The following EML6 variants were observed in gnomAD, a reference collection of about 807,000 sequenced individuals.
The protein encoded by EML6 is EMAP like 6.
Under a neutral mutation model 240.1 loss-of-function variants are expected in EML6, and 154 were observed. The ratio of observed to expected loss-of-function variants is 0.64; its 90% CI spans 0.56 to 0.73. EML6 has a LOEUF of 0.73. Among genes scored for constraint, EML6 ranks in the 30% least tolerant of loss-of-function variants. The pLI, the probability that EML6 is intolerant of heterozygous loss-of-function variation, is 0.00. For synonymous variants in EML6, 1,148 were observed against 899.0 expected, an observed-to-expected ratio of 1.28 and a Z score of -4.95; for missense variants, 2,964 against 2,474.6, an observed-to-expected ratio of 1.20 and a Z score of -4.20.
chr2:54,854,625 C>T (rs12713281), intron 11 of EML6, among the ~76,000 whole-genome samples: 2 of 152,040 alleles, frequency 1.3e-5, no homozygotes, highest in Admixed American at 6.5e-5. Context: ...AATTTTTAGA[C>T]TAAGCAAGGA....
chr2:54,922,933 C>CTTTTT (rs36078208), intron 26 of EML6, among the ~76,000 whole-genome samples: 7 of 73,846 alleles, frequency 9.5e-5, no homozygotes, highest in African/African-American at 2.4e-4. Flanking sequence ...AGGGTATAAA[C>CTTTTT]TTTTTTTTTT....
intron 5 of EML6, among the ~76,000 whole-genome samples, chr2:54,826,947 C>A (rs1668627314): frequency 6.6e-6 from 1 of 152,088 alleles, no homozygotes; most frequent in Admixed American, 6.5e-5. Flanking sequence ...CCGAGGAGGG[C>A]AGATTACTTG....
intron 5 of EML6, among the ~76,000 whole-genome samples, chr2:54,821,964 A>T (rs186133825): frequency 2.6e-3 from 399 of 152,270 alleles, no homozygotes; most frequent in Non-Finnish European, 4.5e-3. Context: ...CAACTGTAGA[A>T]ATATTAAAAT....
At chr2:54,946,729 A>G (rs1675711215) in intron 28 of EML6, among the ~76,000 whole-genome samples, 1 of 152,200 alleles carries the variant, frequency 6.6e-6, no homozygotes, top group Non-Finnish European at 1.5e-5. Context: ...AACATCCAGT[A>G]CTAAGTGTTC....
rs1453125568 is a variant in EML6, at chr2:54,853,454, T to C, written c.1445-189T>C. Among the ~76,000 whole-genome samples, 7 of 150,814 alleles carry C rather than the reference T, an allele frequency of 4.6e-5. No homozygotes were observed. In the East Asian group the frequency reaches 1.2e-3, roughly 25 times the overall value. ...GAATATTTCATCATTTTCTTTTTAA[T>C]GTCTGAGTTTTGAGTGTGGGCTTTC... is the stretch of plus-strand genomic sequence containing the variant. On this transcript the variant is annotated intron_variant, in intron 10 of 41. Coordinates refer to ENST00000356458, the MANE Select transcript of EML6 (RefSeq NM_001039753.4).
At chr2:54,965,353 G>A (rs182842708) in intron 38 of EML6, among the ~76,000 whole-genome samples, 17 of 152,266 alleles carry the variant, frequency 1.1e-4, no homozygotes, top group African/African-American at 2.9e-4. Flanking sequence ...TTGCTGAACC[G>A]GGCACTATGC....
intron 2 of EML6, among the ~76,000 whole-genome samples, chr2:54,779,713 T>A (rs1668762566): frequency 6.6e-6 from 1 of 151,216 alleles, no homozygotes; most frequent in Non-Finnish European, 1.5e-5. Flanking sequence ...AATACAAAAA[T>A]TAGCGGGGTA....
intron 11 of EML6, 41 bp from the exon 12 acceptor site, chr2:54,859,493 T>A: frequency 4.6e-6 from 7 of 1,508,904 alleles, no homozygotes; most frequent in Non-Finnish European, 6.3e-6. Flanking sequence ...AATGAACTCT[T>A]CTTTTTTCAT....
intron 4 of EML6, among the ~76,000 whole-genome samples, chr2:54,818,619 A>C (rs898189210): frequency 3.3e-5 from 5 of 152,244 alleles, no homozygotes; most frequent in Non-Finnish European, 5.9e-5. Flanking sequence ...CAACTCTGTT[A>C]AAACTTTAGA....
rs1488480873 is a variant in EML6, at chr2:54,841,874, TG to T, written c.848-2172del. On this transcript the variant is annotated intron_variant, in intron 7 of 41. Transcript: ENST00000356458. Reference sequence around the variant, plus strand: ...TCCCAAAGTGTTGGGATTACAGGCATGAGCCACCGTGCCTTGCCATTTTTTT... The same window carrying T: ...TCCCAAAGTGTTGGGATTACAGGCATAGCCACCGTGCCTTGCCATTTTTTT... 7.9e-5 allele frequency among the ~76,000 whole-genome samples: 12 copies of T among 152,268 alleles called. 1 individual carries two copies. In the East Asian group the frequency reaches 2.3e-3, roughly 29 times the overall value.
intron 26 of EML6, among the ~76,000 whole-genome samples, chr2:54,922,453 C>G (rs923741871): frequency 6.6e-6 from 1 of 152,086 alleles, no homozygotes; most frequent in African/African-American, 2.4e-5. Flanking sequence ...CAACAGTGTA[C>G]AAATTGGTGC....
intron 4 of EML6, among the ~76,000 whole-genome samples, chr2:54,819,927 G>C (rs1371304491): frequency 1.3e-5 from 2 of 152,076 alleles, no homozygotes; most frequent in Non-Finnish European, 2.9e-5. Context: ...TTACGTTTAG[G>C]AATATTAACT....
chr2:54,792,594 T>C (rs1669513753), intron 2 of EML6, among the ~76,000 whole-genome samples: 1 of 152,232 alleles, frequency 6.6e-6, no homozygotes, highest in Non-Finnish European at 1.5e-5. Flanking sequence ...TGCATTACTG[T>C]GGTGGTTACA....
At chr2:54,849,940 G>GT in intron 9 of EML6, 22 bp from the exon 10 acceptor site, 2 of 1,537,550 alleles carry the variant, frequency 1.3e-6, no homozygotes. Flanking sequence ...GCTGCTTATC[G>GT]TTTTGCTTTT....
intron 6 of EML6, among the ~76,000 whole-genome samples, chr2:54,828,804 T>C (rs1178852946): frequency 6.6e-6 from 1 of 152,254 alleles, no homozygotes; most frequent in Non-Finnish European, 1.5e-5. Flanking sequence ...CTAAAACTAT[T>C]TCCCATGTGA....
chr2:54,808,458 A>C (rs1670613406), intron 2 of EML6, among the ~76,000 whole-genome samples: 1 of 151,990 alleles, frequency 6.6e-6, no homozygotes, highest in Admixed American at 6.6e-5. Context: ...GCTGCTCTCA[A>C]GGTTATCTTC....
At chr2:54,865,370 A>T (rs190190816) in intron 13 of EML6, among the ~76,000 whole-genome samples, 10 of 151,460 alleles carry the variant, frequency 6.6e-5, no homozygotes, top group South Asian at 6.3e-4. Flanking sequence ...CCAGCTACTC[A>T]GGAAGCTGAG....
chr2:54,879,979 C>G (rs1671730202), intron 17 of EML6: 1 of 195,188 alleles, frequency 5.1e-6, no homozygotes, highest in African/African-American at 2.3e-5. Flanking sequence ...TTTCTTCTGT[C>G]CTAGCATCTG....
chr2:54,789,551 AAAAG>A (rs1572899235), intron 2 of EML6, among the ~76,000 whole-genome samples: 2 of 145,906 alleles, frequency 1.4e-5, no homozygotes, highest in African/African-American at 2.6e-5. Context: ...AAAAAAAAGA[AAAAG>A]AATGTGCTTT....
Sources: gnomAD v4.1 joint callset for allele counts (sites outside exome capture counted in the v4.1 genomes callset) on GRCh38, gnomAD v4.1.1 for gene constraint, MANE v1.5 for transcripts, NCBI Gene and HGNC (gene_info 2026-07-23, HGNC 2026-07-21) for gene names.